Variants in DTNBP1 observed in about 807,000 individuals in gnomAD.
DTNBP1 encodes the protein dysbindin.
Under a neutral mutation model 42.8 loss-of-function variants are expected in DTNBP1, and 35 were observed. That is an observed-to-expected ratio of 0.82 (90% CI 0.63 to 1.09). DTNBP1 has a LOEUF of 1.09. Among genes scored for constraint, DTNBP1 ranks in the 50% least tolerant of loss-of-function variants. DTNBP1 has a pLI of 0.00. For synonymous variants in DTNBP1, 171 were observed against 162.2 expected (o/e 1.05, Z -0.41); for missense variants, 457 against 424.2 (o/e 1.08, Z -0.68).
intron 1 of DTNBP1, among the ~76,000 whole-genome samples, chr6:15,660,980 C>G (rs1761576228): frequency 6.6e-6 from 1 of 152,134 alleles, no homozygotes. Context: ...GGTACTTTTA[C>G]TAAATAGGGA....
chr6:15,626,290 A>G (rs1487176608), intron 5 of DTNBP1, among the ~76,000 whole-genome samples: 1 of 152,230 alleles, frequency 6.6e-6, no homozygotes, highest in Non-Finnish European at 1.5e-5. Context: ...TAAATCATCT[A>G]ATCATCTCTG....
intron 1 of DTNBP1, among the ~76,000 whole-genome samples, chr6:15,653,678 A>T (rs1347030528): frequency 6.6e-6 from 1 of 152,254 alleles, no homozygotes; most frequent in Non-Finnish European, 1.5e-5. Context: ...TGAGTGCTAC[A>T]GTATGCAGTA....
intron 4 of DTNBP1, among the ~76,000 whole-genome samples, chr6:15,631,229 A>T (rs192241759): frequency 2.0e-5 from 3 of 152,312 alleles, no homozygotes; most frequent in Admixed American, 2.0e-4. Context: ...TACACCACAG[A>T]AGGCTTTAAA....
At chr6:15,578,926 GA>G (rs1306743365) in intron 7 of DTNBP1, among the ~76,000 whole-genome samples, 1 of 152,126 alleles carries the variant, frequency 6.6e-6, no homozygotes, top group Non-Finnish European at 1.5e-5. Flanking sequence ...TGGAGAAAGG[GA>G]AACTCTTAGA....
At chr6:15,623,185 C>T (rs778653351) in intron 5 of DTNBP1, among the ~76,000 whole-genome samples, 2 of 152,162 alleles carry the variant, frequency 1.3e-5, no homozygotes, top group African/African-American at 2.4e-5. Flanking sequence ...AGGGTCTAGC[C>T]TCAGAAAGGA....
chr6:15,567,980 C>A (rs1191865230), intron 7 of DTNBP1, among the ~76,000 whole-genome samples: 1 of 152,114 alleles, frequency 6.6e-6, no homozygotes, highest in East Asian at 1.9e-4. Context: ...ATAATATTAT[C>A]ATTAAGCCCT....
At chr6:15,661,164 T>C (rs186398476) in intron 1 of DTNBP1, among the ~76,000 whole-genome samples, 18 of 152,336 alleles carry the variant, frequency 1.2e-4, no homozygotes, top group Admixed American at 2.6e-4. Context: ...TCCATTAAGA[T>C]AAAATTTTGG....
At chr6:15,582,339 ACT>A (rs1240029478) in intron 7 of DTNBP1, among the ~76,000 whole-genome samples, 4 of 152,140 alleles carry the variant, frequency 2.6e-5, no homozygotes, top group African/African-American at 9.7e-5. Flanking sequence ...TAGCTGGGTG[ACT>A]TGTTTAACTC....
chr6:15,540,680 C>T (rs901883245), intron 7 of DTNBP1, among the ~76,000 whole-genome samples: 4 of 152,102 alleles, frequency 2.6e-5, no homozygotes, highest in South Asian at 4.1e-4. Context: ...CTTGCTCTGT[C>T]GTCCAGGCTG....
intron 7 of DTNBP1, among the ~76,000 whole-genome samples, chr6:15,547,925 A>T (rs1773975765): frequency 6.6e-6 from 1 of 152,274 alleles, no homozygotes; most frequent in Non-Finnish European, 1.5e-5. Flanking sequence ...ATTTGTATTC[A>T]AAGCTAATAG....
At chr6:15,623,892 G>A (rs993023569) in intron 5 of DTNBP1, among the ~76,000 whole-genome samples, 3 of 152,172 alleles carry the variant, frequency 2.0e-5, no homozygotes, top group African/African-American at 7.2e-5. Flanking sequence ...TCACCACATT[G>A]AATCTTGTGG....
At chr6:15,562,634 A>G (rs544955594) in intron 7 of DTNBP1, among the ~76,000 whole-genome samples, 1 of 152,304 alleles carries the variant, frequency 6.6e-6, no homozygotes, top group East Asian at 1.9e-4. Context: ...CTGGTAAGGA[A>G]AACTCAATGA....
At chr6:15,660,344 A>G (rs1242809194) in intron 1 of DTNBP1, 1 of 1,289,708 alleles carries the variant, frequency 7.8e-7, no homozygotes, top group East Asian at 5.5e-5. Context: ...GAATATGGAA[A>G]AGTTTAACCG....
chr6:15,556,038 C>A (rs1225082472), intron 7 of DTNBP1, among the ~76,000 whole-genome samples: 1 of 152,142 alleles, frequency 6.6e-6, no homozygotes, highest in African/African-American at 2.4e-5. Context: ...GGGTAAAGAA[C>A]AGAATTGGGT....
At position 15,538,778 on chromosome 6, in the gene DTNBP1, C is replaced by T. The variant is rs141699528; in HGVS notation, c.512-5383G>A. Among the ~76,000 whole-genome samples the T allele has an allele frequency of 8.5e-5, 13 of 152,294 alleles. 1 individual carries two copies. Among genetic ancestry groups the T allele is most frequent in the South Asian group, 2.1e-4 (1 of 4,826 alleles). Reference sequence around the variant, plus strand: ...CCGCTGAGTTTGGGTGCTATTACTCCGGAAAATCTAGTCATCTGCAGAAAC... The same window carrying T: ...CCGCTGAGTTTGGGTGCTATTACTCTGGAAAATCTAGTCATCTGCAGAAAC... On this transcript the variant is annotated intron_variant, in intron 7 of 9. Transcript: ENST00000344537.
At chr6:15,591,404 C>T (rs943201948) in intron 7 of DTNBP1, among the ~76,000 whole-genome samples, 2 of 152,098 alleles carry the variant, frequency 1.3e-5, no homozygotes, top group Non-Finnish European at 2.9e-5. Context: ...AGCTACCATG[C>T]CCAGGCCACG....
intron 6 of DTNBP1, among the ~76,000 whole-genome samples, chr6:15,605,383 G>A (rs2113668312): frequency 6.6e-6 from 1 of 152,020 alleles, no homozygotes; most frequent in Middle Eastern, 3.4e-3. Flanking sequence ...CTTCTGTTTG[G>A]AGCTATACAG....
chr6:15,538,464 C>A (rs1297630792), intron 7 of DTNBP1, among the ~76,000 whole-genome samples: 1 of 152,218 alleles, frequency 6.6e-6, no homozygotes, highest in Non-Finnish European at 1.5e-5. Context: ...CAACGCAGCT[C>A]TGCGACCCCT....
intron 4 of DTNBP1, among the ~76,000 whole-genome samples, chr6:15,630,692 C>A (rs934901210): frequency 6.6e-6 from 1 of 151,936 alleles, no homozygotes; most frequent in Non-Finnish European, 1.5e-5. Flanking sequence ...CTGAGGCTGG[C>A]GGATCATGAG....
Sources: gnomAD v4.1 joint callset for allele counts (sites outside exome capture counted in the v4.1 genomes callset) on GRCh38, gnomAD v4.1.1 for gene constraint, MANE v1.5 for transcripts, NCBI Gene and HGNC (gene_info 2026-07-23, HGNC 2026-07-21) for gene names.